OSBPL10: variants seen among roughly 807,000 people sequenced by gnomAD.
OSBPL10 encodes the protein oxysterol binding protein like 10.
A neutral mutation model predicts 81.7 loss-of-function variants in OSBPL10; 49 were observed. That is an observed-to-expected ratio of 0.60 (90% CI 0.48 to 0.76). OSBPL10 has a LOEUF of 0.76. Ranked by LOEUF, OSBPL10 falls within the 30% of genes least tolerant of loss-of-function variation. The pLI is 0.00. For missense variants in OSBPL10, 923 were observed against 987.8 expected, an observed-to-expected ratio of 0.93 and a Z score of 0.88; for synonymous variants, 419 against 383.6, an observed-to-expected ratio of 1.09 and a Z score of -1.08.
chr3:31,673,640 T>C (rs1002362009), intron 8 of OSBPL10, among the ~76,000 whole-genome samples: 1 of 152,220 alleles, frequency 6.6e-6, no homozygotes, highest in Non-Finnish European at 1.5e-5. Flanking sequence ...GGGCTACAGA[T>C]AGCCCCCAAC....
intron 1 of OSBPL10, among the ~76,000 whole-genome samples, chr3:31,967,974 G>A (rs1213916346): frequency 2.0e-5 from 3 of 152,112 alleles, no homozygotes; most frequent in Non-Finnish European, 4.4e-5. Context: ...TTTTGAATAG[G>A]TCAAGTGAAT....
At chr3:31,795,109 T>C (rs78115851) in intron 4 of OSBPL10, 2,413 of 158,856 alleles carry the variant, frequency 0.015, 60 homozygotes, top group African/African-American at 0.055. Context: ...AAAGACTCAT[T>C]ACAGCTGCGA....
intron 1 of OSBPL10, among the ~76,000 whole-genome samples, chr3:31,944,753 G>T (rs1697644520): frequency 1.4e-5 from 2 of 146,526 alleles, no homozygotes; most frequent in Non-Finnish European, 1.5e-5. Context: ...AAAAGAGTGG[G>T]TACAGGAGTT....
intron 1 of OSBPL10, among the ~76,000 whole-genome samples, chr3:31,924,917 A>C (rs537621313): frequency 4.6e-5 from 7 of 152,208 alleles, no homozygotes; most frequent in Non-Finnish European, 7.3e-5. Flanking sequence ...TTTCTTTTCA[A>C]CTAAAATAGT....
intron 4 of OSBPL10, among the ~76,000 whole-genome samples, chr3:31,798,547 A>G (rs1486015230): frequency 6.6e-6 from 1 of 152,162 alleles, no homozygotes; most frequent in East Asian, 1.9e-4. Flanking sequence ...TATTTTGGAT[A>G]TGAGTTAAAT....
chr3:32,025,839 C>T (rs1194844798), intron 2 of OSBPL10, among the ~76,000 whole-genome samples: 2 of 152,016 alleles, frequency 1.3e-5, no homozygotes, highest in African/African-American at 4.8e-5. Context: ...GATTTTGTGT[C>T]TCTTCTTTTC....
chr3:31,959,208 T>C (rs1335665615), intron 1 of OSBPL10, among the ~76,000 whole-genome samples: 1 of 152,178 alleles, frequency 6.6e-6, no homozygotes, highest in Non-Finnish European at 1.5e-5. Context: ...AGTCTCAAAT[T>C]TTTAATGCAG....
chr3:31,927,998 T>TGGAGAGAATGAGGAACAAGAAG (rs1414863194), intron 1 of OSBPL10, among the ~76,000 whole-genome samples: 1 of 152,054 alleles, frequency 6.6e-6, no homozygotes, highest in Non-Finnish European at 1.5e-5. Flanking sequence ...ATAGGTTGCA[T>TGGAGAGAATGAGGAACAAGAAG]GGAGAGAATG....
rs534607664 is a variant in OSBPL10 at position 31,683,847 on chromosome 3, A to G, written c.1513T>C (p.Ser505Pro). Residue 505 changes from serine (S) to proline (P), a missense_variant, in exon 8 of 12, where the codon TCC becomes CCC. Transcript: ENST00000396556. Reference protein sequence around the residue: ...KDRVKPKRTASRSPASCHEHP... With the variant: ...KDRVKPKRTAPRSPASCHEHP... ...TCGTGACAGCTGGCAGGAGAGCGGG[A>G]AGCAGTCCTCTTAGGCTTGACCCTG... 1 of 1,614,232 alleles carries G rather than the reference A, an allele frequency of 6.2e-7. No homozygotes were observed. Among genetic ancestry groups the G allele is most frequent in the South Asian group, 1.1e-5 (1 of 91,088 alleles).
chr3:31,828,417 A>T (rs1215457641), intron 4 of OSBPL10, among the ~76,000 whole-genome samples: 4 of 152,224 alleles, frequency 2.6e-5, no homozygotes, highest in African/African-American at 9.6e-5. Flanking sequence ...TATATTTGAA[A>T]ATTTTCCATT....
intron 1 of OSBPL10, among the ~76,000 whole-genome samples, chr3:31,882,668 C>T (rs886290035): frequency 1.2e-4 from 18 of 152,138 alleles, no homozygotes; most frequent in African/African-American, 4.1e-4. Flanking sequence ...TGTGCACACA[C>T]GCACACACAC....
intron 1 of OSBPL10, among the ~76,000 whole-genome samples, chr3:31,915,142 G>A (rs544293542): frequency 4.0e-5 from 6 of 151,654 alleles, no homozygotes; most frequent in African/African-American, 1.4e-4. Flanking sequence ...TCTGCATCCA[G>A]TGCACTGCTT....
chr3:31,726,082 T>C (rs7622605), intron 6 of OSBPL10, among the ~76,000 whole-genome samples: 14,832 of 152,120 alleles, frequency 0.098, 1,789 homozygotes, highest in African/African-American at 0.29. Flanking sequence ...AAGCCAATAC[T>C]GTATTTTCTC....
chr3:31,858,122 G>A (rs533004560), intron 3 of OSBPL10, among the ~76,000 whole-genome samples: 107 of 151,260 alleles, frequency 7.1e-4, no homozygotes, highest in African/African-American at 2.5e-3. Context: ...TCAGCCTCCC[G>A]AGTATCTAGC....
chr3:31,913,453 T>C (rs1575612507), intron 1 of OSBPL10, among the ~76,000 whole-genome samples: 2 of 152,242 alleles, frequency 1.3e-5, no homozygotes, highest in East Asian at 3.9e-4. Flanking sequence ...TTCCACCGTG[T>C]TAGCCAGGAT....
At chr3:31,931,324 G>A (rs1697243670) in intron 1 of OSBPL10, among the ~76,000 whole-genome samples, 1 of 152,068 alleles carries the variant, frequency 6.6e-6, no homozygotes, top group Non-Finnish European at 1.5e-5. Flanking sequence ...ATTAAATTCT[G>A]ATGATTCTCT....
chr3:31,934,087 A>C (rs1315220215), intron 1 of OSBPL10, among the ~76,000 whole-genome samples: 3 of 151,692 alleles, frequency 2.0e-5, no homozygotes, highest in Non-Finnish European at 4.4e-5. Context: ...AAAAAAAAAA[A>C]AACAAAAAAA....
chr3:31,663,576 C>A (rs1202622738), intron 11 of OSBPL10: 1 of 1,011,510 alleles, frequency 9.9e-7, no homozygotes, highest in African/African-American at 1.7e-5. Flanking sequence ...ATTTTAGGCA[C>A]AGGACTCAGG....
intron 2 of OSBPL10, among the ~76,000 whole-genome samples, chr3:32,007,219 G>A (rs933039757): frequency 3.3e-5 from 5 of 151,946 alleles, no homozygotes; most frequent in African/African-American, 1.2e-4. Context: ...CTAGTTCTTG[G>A]AATTTGTCCT....
Sources: gnomAD v4.1 joint callset for allele counts (sites outside exome capture counted in the v4.1 genomes callset) on GRCh38, gnomAD v4.1.1 for gene constraint, MANE v1.5 for transcripts, NCBI Gene and HGNC (gene_info 2026-07-23, HGNC 2026-07-21) for gene names.